SLC22A8: variants seen among roughly 807,000 people sequenced by gnomAD.
SLC22A8 encodes the protein solute carrier family 22 member 8.
In SLC22A8, 40 loss-of-function variants were observed where a neutral mutation model predicts 48.4. The ratio of observed to expected loss-of-function variants is 0.83; its 90% CI spans 0.64 to 1.08. SLC22A8 has a LOEUF of 1.08. Among genes scored for constraint, SLC22A8 ranks in the 50% least tolerant of loss-of-function variants. The probability of loss-of-function intolerance (pLI) is 0.00; values close to 1 mark genes in which losing one functional copy is unlikely to be tolerated. For synonymous variants in SLC22A8, 268 were observed against 286.3 expected, an observed-to-expected ratio of 0.94 and a Z score of 0.65; for missense variants, 606 against 699.0, an observed-to-expected ratio of 0.87 and a Z score of 1.50.
In SLC22A8 at chr11:63,014,726, T is replaced by A. The variant is rs2086655092; in HGVS notation, c.233A>T (p.His78Leu). 8 of 1,614,102 alleles carry A rather than the reference T, an allele frequency of 5.0e-6. No individual in the cohort carries two copies. The South Asian group carries it at 7.7e-5, about 16-fold the overall frequency. ...ATTGGGCAGGCTGGCATTGGGCGGA[T>A]GTACAAAACGGAGGCACCTCTCAGG... ...GKPERCLRFV[H>L]PPNASLPNDT... The change falls in exon 2 of 11, where the codon CAT (histidine) becomes CTT (leucine). Residue 78 changes from histidine (H) to leucine (L), a missense_variant. His to Leu is a moderately conservative substitution (Grantham distance 99). Transcript: ENST00000336232.
At position 63,000,860 on chromosome 11, in the gene SLC22A8, G is replaced by A. The variant is rs774981051; in HGVS notation, c.334-37C>T. The A allele has an allele frequency of 1.3e-5, 19 of 1,498,516 alleles. No individual in the cohort carries two copies. The South Asian group carries it at 2.1e-4, about 17-fold the overall frequency. 92.8% of individuals were successfully genotyped at this position (1,498,516 alleles called of 1,614,324 possible). ...AAAGGTAGGGCTAGCCTAACTCAGTGTAGACAGCCTGCTCAGCCATGCTCA... is the reference window on the plus strand; with the variant it reads ...AAAGGTAGGGCTAGCCTAACTCAGTATAGACAGCCTGCTCAGCCATGCTCA... On this transcript the variant is annotated intron_variant, in intron 2 of 10. Coordinates refer to ENST00000336232, the MANE Select transcript of SLC22A8 (RefSeq NM_004254.4).
chr11:63,006,595 GTTTTTTT>G (rs58058368), intron 2 of SLC22A8, among the ~76,000 whole-genome samples: 2,077 of 51,228 alleles, frequency 0.041, 45 homozygotes, highest in African/African-American at 0.16. Context: ...TCTCATTTGA[GTTTTTTT>G]TTTTTTTTTT....
chr11:63,006,577 T>C (rs530361601), intron 2 of SLC22A8, among the ~76,000 whole-genome samples: 11 of 148,930 alleles, frequency 7.4e-5, no homozygotes, highest in South Asian at 2.1e-4. Context: ...TGCTGAGGAC[T>C]GAGAATGTCT....
Position 62,998,240 on chromosome 11 carries a change from C to T in SLC22A8, c.761+681G>A, listed in dbSNP as rs550758107. ...GTGCTAGGATTACAGGTGTGAGCCA[C>T]CGTGCCCGGCCAGCTCTGACTACCT... On this transcript the variant is annotated intron_variant, in intron 5 of 10. Transcript: ENST00000336232. 4.6e-5 allele frequency among the ~76,000 whole-genome samples: 7 copies of T among 150,782 alleles called. No homozygotes were observed. In the South Asian group the frequency reaches 1.5e-3, roughly 31 times the overall value.
chr11:62,996,414 G>A (rs758886369), intron 5 of SLC22A8, among the ~76,000 whole-genome samples: 1 of 152,196 alleles, frequency 6.6e-6, no homozygotes, highest in Non-Finnish European at 1.5e-5. Flanking sequence ...ATTGTTGGGT[G>A]TCTTCCTTAA....
intron 5 of SLC22A8, 57 bp downstream of exon 5, chr11:62,998,864 C>T: frequency 6.6e-7 from 1 of 1,509,512 alleles, no homozygotes; most frequent in East Asian, 2.3e-5. Flanking sequence ...GGTATGGGCT[C>T]CCCTGTTTGG....
chr11:62,995,444 A>C, intron 7 of SLC22A8: 2 of 524,824 alleles, frequency 3.8e-6, no homozygotes, highest in Non-Finnish European at 3.4e-6. Flanking sequence ...GAGCTGGGGA[A>C]GGGGCCTGGA....
intron 3 of SLC22A8, among the ~76,000 whole-genome samples, chr11:63,000,357 G>A (rs945554706): frequency 1.3e-5 from 2 of 152,224 alleles, no homozygotes; most frequent in East Asian, 1.9e-4. Context: ...GGTGACACAC[G>A]CCTGTAATCC....
At position 62,993,642 on chromosome 11, in the gene SLC22A8, A is replaced by G. The variant is rs1224174578; in HGVS notation, c.1326-15T>C. 2 of 1,604,406 alleles carry G rather than the reference A, an allele frequency of 1.2e-6. No homozygotes were observed. Among genetic ancestry groups the G allele is most frequent in the East Asian group, 2.2e-5 (1 of 44,708 alleles). On this transcript the variant is annotated splice_polypyrimidine_tract_variant and intron_variant, in intron 9 of 10. Coordinates refer to ENST00000336232, the MANE Select transcript of SLC22A8 (RefSeq NM_004254.4). ...TACCTGTTTGCCTGCGAGGGTTCAG[A>G]GTAGGGATTGGTAGCCTGTGTGTGG...
chr11:62,999,732 C>T lies in SLC22A8; in HGVS notation c.548G>A (p.Cys183Tyr). The change falls in exon 4 of 11, where the codon TGT becomes TAT. Residue 183 changes from cysteine to tyrosine, a missense_variant. By Grantham distance (194) the Cys-to-Tyr change is radical. Transcript: ENST00000336232. The part of the protein sequence containing the change: ...FPIYMVFRFL[C>Y]GFGISGITLS... ...GGTAATGCCTGAGATGCCAAAGCCA[C>T]ACAGGAAGCGGAAGACCATGTAGAT... 2 of 1,605,354 alleles carry T rather than the reference C, an allele frequency of 1.2e-6. No individual in the cohort carries two copies. The highest frequency in any genetic ancestry group is 1.7e-6 in the Non-Finnish European group (2 of 1,175,938).
At chr11:62,997,429 T>C (rs2086435824) in intron 5 of SLC22A8, among the ~76,000 whole-genome samples, 1 of 152,202 alleles carries the variant, frequency 6.6e-6, no homozygotes, top group Non-Finnish European at 1.5e-5. Context: ...TTTCACTGTG[T>C]TGGCCAGGCT....
At chr11:62,996,228 G>A in intron 5 of SLC22A8, 76 bp from the exon 6 acceptor site, 1 of 1,455,318 alleles carries the variant, frequency 6.9e-7, no homozygotes, top group Non-Finnish European at 9.3e-7. Flanking sequence ...AACATCAACA[G>A]CCAGGGCCAA....
At chr11:62,994,190 G>T in intron 8 of SLC22A8, 1 of 518,304 alleles carries the variant, frequency 1.9e-6, no homozygotes, top group Non-Finnish European at 3.5e-6. Context: ...GCTTTTCCAA[G>T]GTCATGATGG....
intron 2 of SLC22A8, among the ~76,000 whole-genome samples, chr11:63,007,283 G>A (rs982101250): frequency 4.6e-5 from 7 of 152,228 alleles, no homozygotes; most frequent in African/African-American, 1.7e-4. Context: ...TGGCTGATCC[G>A]TCTCATCAAC....
At chr11:62,997,514 AC>A (rs1165849825) in intron 5 of SLC22A8, among the ~76,000 whole-genome samples, 1 of 152,038 alleles carries the variant, frequency 6.6e-6, no homozygotes, top group Non-Finnish European at 1.5e-5. Context: ...GAGCCACTGC[AC>A]CCAGCCACCT....
In SLC22A8 at chr11:62,996,123, A is replaced by G; in HGVS notation, c.791T>C (p.Val264Ala). ...WWTPESIRWLVLSGKSSKALK... is the reference protein window; with the variant it reads ...WWTPESIRWLALSGKSSKALK... Reference sequence around the variant, plus strand: ...GGCCTTCGAGGACTTTCCAGACAAGACCAACCAGCGTATGGACTCTGGTGT... The same window carrying G: ...GGCCTTCGAGGACTTTCCAGACAAGGCCAACCAGCGTATGGACTCTGGTGT... Residue 264 changes from valine to alanine, a missense_variant, in exon 6 of 11, where the codon GTC becomes GCC. Physicochemically the swap from Val to Ala is moderately conservative, Grantham distance 64. Coordinates refer to ENST00000336232, the MANE Select transcript of SLC22A8 (RefSeq NM_004254.4). 2 of 1,612,264 alleles carry G rather than the reference A, an allele frequency of 1.2e-6. No individual in the cohort carries two copies. Among genetic ancestry groups the G allele is most frequent in the Non-Finnish European group, 1.7e-6 (2 of 1,179,114 alleles).
chr11:63,014,600 G>A (rs905608850), intron 2 of SLC22A8, 26 bp downstream of exon 2: 1 of 1,553,348 alleles, frequency 6.4e-7, no homozygotes, highest in African/African-American at 1.4e-5. Flanking sequence ...TGGGTAAGTG[G>A]AGGGAGAGGG....
intron 2 of SLC22A8, among the ~76,000 whole-genome samples, chr11:63,008,005 G>A (rs1040490542): frequency 5.3e-5 from 8 of 152,320 alleles, no homozygotes; most frequent in South Asian, 4.1e-4. Context: ...CCTGCGTGCC[G>A]TGCTCTGAGG....
intron 7 of SLC22A8, chr11:62,995,251 G>A: frequency 8.3e-6 from 2 of 239,724 alleles, no homozygotes; most frequent in Non-Finnish European, 1.6e-5. Context: ...GTCACAGAAA[G>A]GGCTTTCAGG....
Sources: gnomAD v4.1 joint callset for allele counts (sites outside exome capture counted in the v4.1 genomes callset) on GRCh38, gnomAD v4.1.1 for gene constraint, MANE v1.5 for transcripts, NCBI Gene and HGNC (gene_info 2026-07-23, HGNC 2026-07-21) for gene names.